The following MYO5B variants were observed in gnomAD, a reference collection of about 807,000 sequenced individuals.
MYO5B encodes unconventional myosin-Vb.
In MYO5B, 143 loss-of-function variants were observed where a neutral mutation model predicts 229.3. That is an observed-to-expected ratio of 0.62 (90% CI 0.54 to 0.72). The LOEUF is 0.72. Among genes scored for constraint, MYO5B ranks in the 30% least tolerant of loss-of-function variants. The pLI is 0.00. For missense variants in MYO5B, 2,321 were observed against 2,331.0 expected (o/e 1.00, Z 0.09); for synonymous variants, 918 against 885.2 (o/e 1.04, Z -0.66).
chr18:49,837,244 G>C (rs552312406), intron 37 of MYO5B, among the ~76,000 whole-genome samples: 41 of 152,228 alleles, frequency 2.7e-4, no homozygotes, highest in Non-Finnish European at 4.6e-4. Context: ...TTTTCTCTCT[G>C]ACCTATCTGC....
intron 1 of MYO5B, among the ~76,000 whole-genome samples, chr18:50,138,010 G>C (rs1705504): frequency 0.32 from 48,122 of 152,036 alleles, 8,133 homozygotes; most frequent in Admixed American, 0.46. Context: ...GAGAGGATCA[G>C]AAAAGATAAC....
At chr18:50,041,440 A>T (rs2030011886) in intron 2 of MYO5B, among the ~76,000 whole-genome samples, 1 of 152,196 alleles carries the variant, frequency 6.6e-6, no homozygotes, top group African/African-American at 2.4e-5. Context: ...AAACCCAGCA[A>T]TGAAAGGGCT....
intron 10 of MYO5B, among the ~76,000 whole-genome samples, chr18:49,972,910 C>T (rs1039376911): frequency 2.6e-5 from 4 of 152,100 alleles, no homozygotes; most frequent in African/African-American, 9.7e-5. Context: ...TGCTCCTTAT[C>T]AGCAAGGAGG....
At chr18:50,091,851 GA>G (rs1291896156) in intron 1 of MYO5B, among the ~76,000 whole-genome samples, 2 of 152,176 alleles carry the variant, frequency 1.3e-5, no homozygotes, top group African/African-American at 4.8e-5. Context: ...TACTAAAAGG[GA>G]AAGAGGAGAA....
intron 1 of MYO5B, among the ~76,000 whole-genome samples, chr18:50,096,164 C>G (rs555918227): frequency 9.9e-5 from 15 of 152,232 alleles, no homozygotes; most frequent in Admixed American, 3.3e-4. Flanking sequence ...TTATGTTGAA[C>G]CACATTAAAT....
rs188262246 is a variant in MYO5B, at chr18:49,873,829, G to A, written c.3538-1597C>T. ...AGAAAGGGAGGTGGCTGGGTGGGAG[G>A]TCAAATGCACTGACTGTAGACTGTC... On this transcript the variant is annotated intron_variant, in intron 26 of 39. Transcript: ENST00000285039. Among the ~76,000 whole-genome samples the A allele has an allele frequency of 1.6e-3, 250 of 152,298 alleles. 1 individual carries two copies. The Middle Eastern group carries it at 0.017, about 10-fold the overall frequency.
intron 1 of MYO5B, among the ~76,000 whole-genome samples, chr18:50,090,146 A>G (rs1296546093): frequency 6.6e-6 from 1 of 152,088 alleles, no homozygotes; most frequent in Non-Finnish European, 1.5e-5. Context: ...ACTACTCCAC[A>G]TAAGTCCATG....
intron 16 of MYO5B, among the ~76,000 whole-genome samples, chr18:49,935,582 G>T (rs1283193896): frequency 6.6e-6 from 1 of 152,232 alleles, no homozygotes; most frequent in Non-Finnish European, 1.5e-5. Flanking sequence ...TGTGCTGAAG[G>T]CAAGGTGGAT....
chr18:50,063,174 C>T (rs376477771), intron 1 of MYO5B, among the ~76,000 whole-genome samples: 44 of 152,272 alleles, frequency 2.9e-4, no homozygotes, highest in East Asian at 2.7e-3. Flanking sequence ...AGAAGCTCAG[C>T]GCTTCCAGAT....
intron 2 of MYO5B, among the ~76,000 whole-genome samples, chr18:50,043,267 T>C (rs1182812742): frequency 1.8e-5 from 2 of 108,888 alleles, no homozygotes; most frequent in African/African-American, 6.8e-5. Context: ...TTCATATATT[T>C]ATAAATATAT....
intron 4 of MYO5B, among the ~76,000 whole-genome samples, chr18:50,011,894 A>G (rs8089249): frequency 0.98 from 148,546 of 151,946 alleles, 72,708 homozygotes; most frequent in East Asian, 1. Context: ...AGGGCCTCTG[A>G]CACTCCAGGC....
rs1433805358 is a variant in MYO5B, at chr18:49,978,858, G to A, written c.1056+1586C>T. 1.3e-5 allele frequency among the ~76,000 whole-genome samples: 2 copies of A among 152,082 alleles called. 1 individual carries two copies. The highest frequency in any genetic ancestry group is 2.9e-5 in the Non-Finnish European group (2 of 68,024). On this transcript the variant is annotated intron_variant, in intron 9 of 39. Transcript: ENST00000285039. ...GGGCTGGAGGTCCACAGACCACAGAGCACATCTGTCACCTTTCCTGCCTCT... is the reference window on the plus strand; with the variant it reads ...GGGCTGGAGGTCCACAGACCACAGAACACATCTGTCACCTTTCCTGCCTCT...
chr18:49,837,947 T>A, intron 36 of MYO5B, 145 bp from the exon 37 acceptor site: 1 of 1,088,312 alleles, frequency 9.2e-7, no homozygotes, highest in Non-Finnish European at 1.4e-6. Context: ...ACTTATAACA[T>A]TTGGCAAAAA....
intron 31 of MYO5B, chr18:49,850,697 C>T (rs1240136406): frequency 6.6e-6 from 1 of 152,308 alleles, no homozygotes; most frequent in Middle Eastern, 3.4e-3. Flanking sequence ...TACCGAAGGT[C>T]TCCTGTGAAC....
intron 1 of MYO5B, among the ~76,000 whole-genome samples, chr18:50,174,866 T>C (rs2032973353): frequency 6.6e-6 from 1 of 152,182 alleles, no homozygotes; most frequent in African/African-American, 2.4e-5. Context: ...CTGCAGAAGG[T>C]GTCTGGCCTC....
At chr18:49,950,013 G>T (rs1266434570) in intron 14 of MYO5B, among the ~76,000 whole-genome samples, 3 of 152,198 alleles carry the variant, frequency 2.0e-5, no homozygotes, top group African/African-American at 7.2e-5. Context: ...TTGATTTGCA[G>T]CTGCAGTCTG....
At chr18:49,977,700 A>C (rs990208671) in intron 9 of MYO5B, among the ~76,000 whole-genome samples, 7 of 152,164 alleles carry the variant, frequency 4.6e-5, no homozygotes, top group African/African-American at 7.2e-5. Flanking sequence ...TTCTAACCTC[A>C]GAGAAAGAGG....
intron 1 of MYO5B, among the ~76,000 whole-genome samples, chr18:50,152,848 T>A: frequency 7.6e-6 from 1 of 131,004 alleles, no homozygotes. Flanking sequence ...AAAGAAATAG[T>A]ATGTATTCTC....
intron 2 of MYO5B, among the ~76,000 whole-genome samples, chr18:50,053,215 G>C (rs1303166481): frequency 6.6e-6 from 1 of 152,184 alleles, no homozygotes; most frequent in African/African-American, 2.4e-5. Flanking sequence ...CAGATGTTCA[G>C]AGCCCATTAT....
Sources: gnomAD v4.1 joint callset for allele counts (sites outside exome capture counted in the v4.1 genomes callset) on GRCh38, gnomAD v4.1.1 for gene constraint, MANE v1.5 for transcripts, NCBI Gene and HGNC (gene_info 2026-07-23, HGNC 2026-07-21) for gene names.